ANKS1B: variants seen among roughly 807,000 people sequenced by gnomAD.
ANKS1B encodes ankyrin repeat and sterile alpha motif domain containing 1B, also known as ankyrin repeat and sterile alpha motif domain-containing protein 1B.
A neutral mutation model predicts 148.3 loss-of-function variants in ANKS1B; 36 were observed. The observed-to-expected ratio is 0.24, with a 90% CI of 0.19 to 0.32. ANKS1B has a LOEUF of 0.32. Ranked by LOEUF, ANKS1B falls within the 10% of genes least tolerant of loss-of-function variation. The pLI is 1.00. For synonymous variants in ANKS1B, 542 were observed against 560.8 expected (o/e 0.97, Z 0.47); for missense variants, 1,157 against 1,542.6 (o/e 0.75, Z 4.19).
At position 99,801,224 on chromosome 12, in the gene ANKS1B, C is replaced by A. The variant is rs75579538; in HGVS notation, c.669+5180G>T. On this transcript the variant is annotated intron_variant, in intron 4 of 26. Transcript: ENST00000683438. Reference sequence around the variant, plus strand: ...TTTCTCTCTTATGCACAATCAATGCCCCCCTGCCTAGTCCCAGGAGGAAGA... The same window carrying A: ...TTTCTCTCTTATGCACAATCAATGCACCCCTGCCTAGTCCCAGGAGGAAGA... 9.0e-3 allele frequency among the ~76,000 whole-genome samples: 1,377 copies of A among 152,216 alleles called. 23 individuals carry two copies. Among genetic ancestry groups the A allele is most frequent in the African/African-American group, 0.031 (1,294 of 41,518 alleles).
chr12:99,782,622 T>C (rs2064473192), intron 4 of ANKS1B, among the ~76,000 whole-genome samples: 1 of 152,210 alleles, frequency 6.6e-6, no homozygotes, highest in African/African-American at 2.4e-5. Flanking sequence ...CTCTTAGCTT[T>C]AGCTCTCCTT....
chr12:99,501,702 T>C (rs1267501437), intron 10 of ANKS1B, among the ~76,000 whole-genome samples: 1 of 152,152 alleles, frequency 6.6e-6, no homozygotes, highest in Non-Finnish European at 1.5e-5. Context: ...TGTGTAGATA[T>C]TTGTTTTCAG....
intron 17 of ANKS1B, among the ~76,000 whole-genome samples, chr12:98,959,975 C>T (rs1447196256): frequency 2.0e-5 from 3 of 152,152 alleles, no homozygotes; most frequent in Non-Finnish European, 2.9e-5. Context: ...GAGTAAGGCA[C>T]CAGGTATATT....
At chr12:99,415,991 C>T (rs1396458200) in intron 11 of ANKS1B, among the ~76,000 whole-genome samples, 1 of 152,070 alleles carries the variant, frequency 6.6e-6, no homozygotes, top group African/African-American at 2.4e-5. Flanking sequence ...CCCCATTGCC[C>T]TTTTATAGCT....
At chr12:99,243,165 T>A (rs2089674211) in intron 14 of ANKS1B, among the ~76,000 whole-genome samples, 1 of 152,026 alleles carries the variant, frequency 6.6e-6, no homozygotes, top group Non-Finnish European at 1.5e-5. Flanking sequence ...ACAAAGAACT[T>A]AAACAAATTT....
intron 17 of ANKS1B, among the ~76,000 whole-genome samples, chr12:98,899,763 C>A (rs1029171355): frequency 6.6e-6 from 1 of 152,178 alleles, no homozygotes; most frequent in Non-Finnish European, 1.5e-5. Flanking sequence ...CCATGTAAAG[C>A]ATTAACTATA....
intron 25 of ANKS1B, among the ~76,000 whole-genome samples, chr12:98,762,999 A>G (rs1403116218): frequency 6.6e-6 from 1 of 152,274 alleles, no homozygotes; most frequent in Admixed American, 6.5e-5. Context: ...GCCAGAGCCA[A>G]TTCCTTCCTT....
intron 12 of ANKS1B, among the ~76,000 whole-genome samples, chr12:99,326,233 T>A (rs2086275961): frequency 6.6e-6 from 1 of 152,046 alleles, no homozygotes; most frequent in Admixed American, 6.6e-5. Context: ...AGAGCAAATG[T>A]CATGGCAACA....
chr12:99,020,104 A>C (rs561074728), intron 17 of ANKS1B, among the ~76,000 whole-genome samples: 1 of 152,050 alleles, frequency 6.6e-6, no homozygotes, highest in Non-Finnish European at 1.5e-5. Context: ...TACACAACAT[A>C]AACTTTCCCT....
In ANKS1B at chr12:98,955,294, T is replaced by TA. The variant is rs368611311; in HGVS notation, c.2778+97862dup. ...AAAGACTTGAAGGAGGTAAATTATG[T>TA]AGCTATCTGAGGGAAGACCTTCCCA... On this transcript the variant is annotated intron_variant, in intron 17 of 26. Transcript: ENST00000683438. Among the ~76,000 whole-genome samples the TA allele has an allele frequency of 4.1e-3, 626 of 152,232 alleles. 3 individuals carry two copies. Among genetic ancestry groups the TA allele is most frequent in the Middle Eastern group, 0.01 (3 of 294 alleles).
At chr12:99,156,841 A>G (rs915517861) in intron 14 of ANKS1B, among the ~76,000 whole-genome samples, 4 of 152,208 alleles carry the variant, frequency 2.6e-5, no homozygotes, top group Non-Finnish European at 4.4e-5. Context: ...AATATTTCAC[A>G]TAGTAAAGAT....
intron 14 of ANKS1B, among the ~76,000 whole-genome samples, chr12:99,162,444 T>C (rs1431444610): frequency 6.6e-6 from 1 of 152,188 alleles, no homozygotes; most frequent in Non-Finnish European, 1.5e-5. Flanking sequence ...CATAATTGTA[T>C]ATAAAACATT....
At chr12:99,823,122 A>G (rs2082709139) in intron 2 of ANKS1B, among the ~76,000 whole-genome samples, 1 of 152,118 alleles carries the variant, frequency 6.6e-6, no homozygotes, top group South Asian at 2.1e-4. Flanking sequence ...TCTTCTGAGT[A>G]CTTTTTAATG....
chr12:99,609,661 CA>C lies in ANKS1B; in HGVS notation c.1272+45405del, dbSNP rs560818184. 1.2e-3 allele frequency among the ~76,000 whole-genome samples: 183 copies of C among 152,034 alleles called. 1 individual carries two copies. Among genetic ancestry groups the C allele is most frequent in the African/African-American group, 3.9e-3 (163 of 41,492 alleles). On this transcript the variant is annotated intron_variant, in intron 9 of 26. Transcript: ENST00000683438. Reference sequence around the variant, plus strand: ...CTTGTGCTCTCTGGCTGACAGAGATCAGGGGGGATATTCTCACAAGTCTTAA... The same window carrying C: ...CTTGTGCTCTCTGGCTGACAGAGATCGGGGGGATATTCTCACAAGTCTTAA...
chr12:99,027,867 T>C (rs945095231), intron 17 of ANKS1B, among the ~76,000 whole-genome samples: 14 of 152,266 alleles, frequency 9.2e-5, no homozygotes, highest in African/African-American at 3.4e-4. Context: ...GGAGATATAC[T>C]TTACTGTATA....
intron 1 of ANKS1B, among the ~76,000 whole-genome samples, chr12:99,833,872 A>G (rs1399584506): frequency 1.3e-5 from 2 of 152,072 alleles, no homozygotes; most frequent in Non-Finnish European, 2.9e-5. Flanking sequence ...ATTTTTAATA[A>G]CTCCATTGAA....
chr12:98,822,612 TTC>T (rs1339868420), intron 19 of ANKS1B, among the ~76,000 whole-genome samples: 1 of 152,238 alleles, frequency 6.6e-6, no homozygotes, highest in African/African-American at 2.4e-5. Context: ...TATTGATATC[TTC>T]TTTTTCTTTT....
chr12:99,662,946 C>G (rs2098484807), intron 8 of ANKS1B, among the ~76,000 whole-genome samples: 1 of 152,032 alleles, frequency 6.6e-6, no homozygotes, highest in Non-Finnish European at 1.5e-5. Context: ...CTTTATTATG[C>G]AAGCAATTTC....
chr12:99,072,964 T>C (rs1012190751), intron 16 of ANKS1B, among the ~76,000 whole-genome samples: 1 of 152,194 alleles, frequency 6.6e-6, no homozygotes, highest in Non-Finnish European at 1.5e-5. Flanking sequence ...TAAAAGGAGA[T>C]ACATTTTGCT....
Sources: gnomAD v4.1 joint callset for allele counts (sites outside exome capture counted in the v4.1 genomes callset) on GRCh38, gnomAD v4.1.1 for gene constraint, MANE v1.5 for transcripts, NCBI Gene and HGNC (gene_info 2026-07-23, HGNC 2026-07-21) for gene names.